The following EML4 variants were observed in gnomAD, a reference collection of about 807,000 sequenced individuals.
EML4 encodes the protein echinoderm microtubule-associated protein-like 4.
A neutral mutation model predicts 129.0 loss-of-function variants in EML4; 72 were observed. The observed-to-expected ratio is 0.56, with a 90% CI of 0.46 to 0.68. EML4 has a LOEUF of 0.68. Ranked by LOEUF, EML4 falls within the 30% of genes least tolerant of loss-of-function variation. The probability of loss-of-function intolerance (pLI) is 0.00; values close to 1 mark genes in which losing one functional copy is unlikely to be tolerated. For synonymous variants in EML4, 532 were observed against 405.0 expected (o/e 1.31, Z -3.77); for missense variants, 1,363 against 1,190.6 (o/e 1.14, Z -2.13).
chr2:42,190,334 G>A (rs1399456987), intron 1 of EML4, among the ~76,000 whole-genome samples: 1 of 152,142 alleles, frequency 6.6e-6, no homozygotes, highest in Non-Finnish European at 1.5e-5. Context: ...AGTGATGAAA[G>A]ATAATGGTGA....
intron 1 of EML4, among the ~76,000 whole-genome samples, chr2:42,170,779 C>T (rs1478873727): frequency 1.3e-5 from 2 of 152,172 alleles, no homozygotes; most frequent in African/African-American, 2.4e-5. Flanking sequence ...CTTTCTTTTA[C>T]ATTTCTTGAT....
At chr2:42,186,176 A>T (rs926893246) in intron 1 of EML4, among the ~76,000 whole-genome samples, 2 of 152,120 alleles carry the variant, frequency 1.3e-5, no homozygotes, top group African/African-American at 4.8e-5. Flanking sequence ...CAGTTTTCCT[A>T]TTTTCCAAAT....
intron 1 of EML4, among the ~76,000 whole-genome samples, chr2:42,205,029 T>G (rs891244176): frequency 6.6e-6 from 1 of 152,216 alleles, no homozygotes; most frequent in African/African-American, 2.4e-5. Flanking sequence ...CATTTTGTTC[T>G]ATAATCATCC....
intron 1 of EML4, among the ~76,000 whole-genome samples, chr2:42,197,371 C>G (rs1015579381): frequency 9.9e-5 from 15 of 151,940 alleles, no homozygotes; most frequent in African/African-American, 3.6e-4. Context: ...ATCTTTTAAA[C>G]TTGTTAATAG....
At chr2:42,186,295 T>G (rs1183066338) in intron 1 of EML4, among the ~76,000 whole-genome samples, 1 of 152,106 alleles carries the variant, frequency 6.6e-6, no homozygotes, top group African/African-American at 2.4e-5. Flanking sequence ...TCGTTCTGGA[T>G]CCACAATGAA....
At chr2:42,197,245 G>C (rs1163375172) in intron 1 of EML4, among the ~76,000 whole-genome samples, 2 of 152,042 alleles carry the variant, frequency 1.3e-5, no homozygotes, top group African/African-American at 4.8e-5. Context: ...GTATTGTTTT[G>C]TAGAGATGGG....
At chr2:42,278,622 T>C (rs1277184798) in intron 6 of EML4, among the ~76,000 whole-genome samples, 1 of 148,400 alleles carries the variant, frequency 6.7e-6, no homozygotes, top group Non-Finnish European at 1.5e-5. Context: ...TTGAGTGAAG[T>C]ATTTTCTTTT....
At chr2:42,235,348 T>C (rs1674599571) in intron 1 of EML4, among the ~76,000 whole-genome samples, 1 of 143,716 alleles carries the variant, frequency 7.0e-6, no homozygotes, top group Non-Finnish European at 1.5e-5. Context: ...TAATCCCAGC[T>C]ACTCAGGAGG....
At position 42,270,943 on chromosome 2, in the gene EML4, T is replaced by C. The variant is rs1221299916; in HGVS notation, c.667+6212T>C. Among the ~76,000 whole-genome samples, 3 of 152,218 alleles carry C rather than the reference T, an allele frequency of 2.0e-5. No individual in the cohort carries two copies. The East Asian group carries it at 5.8e-4, about 29-fold the overall frequency. On this transcript the variant is annotated intron_variant, in intron 6 of 22. Transcript: ENST00000318522. Reference sequence around the variant, plus strand: ...TAGGGTCTCACTGTGTTGCCCAGGCTGGAATGCTGTAGAATGATCACAGCT... The same window carrying C: ...TAGGGTCTCACTGTGTTGCCCAGGCCGGAATGCTGTAGAATGATCACAGCT...
At chr2:42,274,207 A>C (rs962122778) in intron 6 of EML4, among the ~76,000 whole-genome samples, 6 of 152,192 alleles carry the variant, frequency 3.9e-5, no homozygotes, top group Non-Finnish European at 7.4e-5. Context: ...CCTACCTTTC[A>C]GTTAAATATA....
chr2:42,260,238 G>A (rs747959975), intron 3 of EML4, among the ~76,000 whole-genome samples: 3 of 152,096 alleles, frequency 2.0e-5, no homozygotes, highest in East Asian at 1.9e-4. Flanking sequence ...TGCAATCTCC[G>A]CTCACTGCAA....
At chr2:42,205,497 G>C (rs1412105898) in intron 1 of EML4, among the ~76,000 whole-genome samples, 1 of 151,918 alleles carries the variant, frequency 6.6e-6, no homozygotes, top group Non-Finnish European at 1.5e-5. Context: ...CCTGCCCTCA[G>C]TCAGCTTCCC....
At position 42,288,222 on chromosome 2, in the gene EML4, T is replaced by G. The variant is rs1309861654; in HGVS notation, c.1123-5T>G. 2 of 1,303,338 alleles carry G rather than the reference T, an allele frequency of 1.5e-6. No homozygotes were observed. The highest frequency in any genetic ancestry group is 2.2e-6 in the Non-Finnish European group (2 of 929,636). 80.7% of individuals were successfully genotyped at this position (1,303,338 alleles called of 1,614,324 possible). A position where few individuals can be genotyped will look rare whatever the true frequency, so the allele number is the denominator to read the frequency against. ...TTAAAATGCCTCTGATTGACTTTTC[T>G]TTAGGATTCAGGTGTTCATTTATGT... On this transcript the variant is annotated splice_polypyrimidine_tract_variant and splice_region_variant and intron_variant, in intron 10 of 22. Coordinates refer to ENST00000318522, the MANE Select transcript of EML4 (RefSeq NM_019063.5).
At chr2:42,214,179 A>G (rs1334719910) in intron 1 of EML4, among the ~76,000 whole-genome samples, 1 of 152,232 alleles carries the variant, frequency 6.6e-6, no homozygotes, top group Non-Finnish European at 1.5e-5. Flanking sequence ...GGAGTCACAG[A>G]TCACTGACAA....
At chr2:42,260,436 G>C (rs186509747) in intron 3 of EML4, among the ~76,000 whole-genome samples, 227 of 152,306 alleles carry the variant, frequency 1.5e-3, no homozygotes, top group African/African-American at 5.3e-3. Context: ...AAAGTGCTTG[G>C]ATTACAGGCG....
chr2:42,255,196 C>G (rs1676049023), intron 2 of EML4, among the ~76,000 whole-genome samples: 1 of 152,108 alleles, frequency 6.6e-6, no homozygotes, highest in Non-Finnish European at 1.5e-5. Context: ...TGCCATTCTC[C>G]TGCCTCAGCC....
chr2:42,171,408 T>G (rs1558469962), intron 1 of EML4, among the ~76,000 whole-genome samples: 1 of 152,242 alleles, frequency 6.6e-6, no homozygotes, highest in Non-Finnish European at 1.5e-5. Context: ...TCATCTTCTG[T>G]AAGTGTTTAG....
At chr2:42,302,650 C>T (rs1381789335) in intron 14 of EML4, among the ~76,000 whole-genome samples, 1 of 151,966 alleles carries the variant, frequency 6.6e-6, no homozygotes, top group Non-Finnish European at 1.5e-5. Flanking sequence ...TCTCCTGCCT[C>T]AGCCTCCTCA....
intron 2 of EML4, among the ~76,000 whole-genome samples, 196 bp from the exon 3 acceptor site, chr2:42,256,305 G>A (rs1366851441): frequency 6.6e-6 from 1 of 152,158 alleles, no homozygotes; most frequent in East Asian, 1.9e-4. Context: ...CTATAGGTCT[G>A]TTTCGATGGG....
Sources: gnomAD v4.1 joint callset for allele counts (sites outside exome capture counted in the v4.1 genomes callset) on GRCh38, gnomAD v4.1.1 for gene constraint, MANE v1.5 for transcripts, NCBI Gene and HGNC (gene_info 2026-07-23, HGNC 2026-07-21) for gene names.